CBFB: variants seen among roughly 807,000 people sequenced by gnomAD.
CBFB encodes CBF-beta.
CBFB carries 9 observed loss-of-function variants against 30.4 expected under a neutral mutation model. The ratio of observed to expected loss-of-function variants is 0.30; its 90% CI spans 0.18 to 0.52. The LOEUF is 0.52. Ranked by LOEUF, CBFB falls within the 20% of genes least tolerant of loss-of-function variation. CBFB has a pLI of 0.97. For missense variants in CBFB, 170 were observed against 244.0 expected, an observed-to-expected ratio of 0.70 and a Z score of 2.02; for synonymous variants, 94 against 84.0, an observed-to-expected ratio of 1.12 and a Z score of -0.65.
chr16:67,030,788 C>T (rs905611598), intron 2 of CBFB, among the ~76,000 whole-genome samples: 4 of 152,088 alleles, frequency 2.6e-5, no homozygotes, highest in East Asian at 1.9e-4. Flanking sequence ...TTAGTAGAGA[C>T]GGGGTTTCAC....
At chr16:67,077,674 C>G (rs1209231204) in intron 4 of CBFB, among the ~76,000 whole-genome samples, 3 of 152,028 alleles carry the variant, frequency 2.0e-5, no homozygotes, top group African/African-American at 7.2e-5. Context: ...AAAATTGATT[C>G]TTAATTTTTT....
chr16:67,065,631 G>A (rs370738258), intron 3 of CBFB, among the ~76,000 whole-genome samples: 1 of 152,066 alleles, frequency 6.6e-6, no homozygotes, highest in Non-Finnish European at 1.5e-5. Flanking sequence ...TCACACCTTG[G>A]CCTCCCAAAG....
chr16:67,094,813 T>C (rs1961993632), intron 5 of CBFB, among the ~76,000 whole-genome samples: 2 of 152,236 alleles, frequency 1.3e-5, no homozygotes, highest in African/African-American at 4.8e-5. Flanking sequence ...CTCTTTGAAT[T>C]TGTGACTGTG....
chr16:67,099,867 T>TAA lies in CBFB; in HGVS notation c.*1093_*1094dup, dbSNP rs1962166239. On this transcript the variant is annotated 3_prime_UTR_variant, in exon 6 of 6. Coordinates refer to ENST00000412916, the MANE Select transcript of CBFB (RefSeq NM_022845.3). ...GTGTATTTTATATTGCATGCTTTTG[T>TAA]AAAAACATGCTGGGTGATGAAAGAT... The TAA allele has an allele frequency of 4.7e-6, 1 of 212,788 alleles. No individual in the cohort carries two copies. The allele number at this position is 212,788 out of a possible 1,614,324, so 13.2% of individuals were successfully genotyped here.
At chr16:67,053,844 C>CT (rs111876987) in intron 3 of CBFB, among the ~76,000 whole-genome samples, 8,626 of 142,470 alleles carry the variant, frequency 0.061, 715 homozygotes, top group African/African-American at 0.19. Flanking sequence ...TTCTTTTATC[C>CT]TTTTTTTTTT....
chr16:67,061,276 A>C (rs961113121), intron 3 of CBFB, among the ~76,000 whole-genome samples: 1 of 152,218 alleles, frequency 6.6e-6, no homozygotes, highest in Non-Finnish European at 1.5e-5. Context: ...ACTTTTGGAA[A>C]GATAAACTGT....
chr16:67,041,802 TCTCA>T (rs1966534892), intron 3 of CBFB, among the ~76,000 whole-genome samples: 1 of 141,324 alleles, frequency 7.1e-6, no homozygotes, highest in African/African-American at 2.8e-5. Flanking sequence ...AGAGAGAGGG[TCTCA>T]CTCTGTCACC....
chr16:67,047,265 CA>C (rs1349086161), intron 3 of CBFB, among the ~76,000 whole-genome samples: 1 of 152,152 alleles, frequency 6.6e-6, no homozygotes, highest in East Asian at 1.9e-4. Flanking sequence ...TCTTCAATGC[CA>C]TGTGTGGAAA....
intron 3 of CBFB, among the ~76,000 whole-genome samples, chr16:67,048,237 A>G (rs1393396928): frequency 6.6e-6 from 1 of 151,852 alleles, no homozygotes; most frequent in East Asian, 1.9e-4. Context: ...GCAAGGCTCC[A>G]TCTCCAAACA....
chr16:67,072,432 T>G (rs1426367083), intron 4 of CBFB, among the ~76,000 whole-genome samples: 1 of 152,110 alleles, frequency 6.6e-6, no homozygotes, highest in Admixed American at 6.5e-5. Context: ...TTCTGAAGAA[T>G]ATATAGATTT....
At chr16:67,044,816 A>G (rs1334068239) in intron 3 of CBFB, among the ~76,000 whole-genome samples, 2 of 152,236 alleles carry the variant, frequency 1.3e-5, no homozygotes, top group Non-Finnish European at 2.9e-5. Context: ...TTTAAGCTCA[A>G]GAAGTTCCTT....
chr16:67,055,154 A>G (rs1960677118), intron 3 of CBFB, among the ~76,000 whole-genome samples: 2 of 152,066 alleles, frequency 1.3e-5, no homozygotes, highest in African/African-American at 4.8e-5. Context: ...TCATGTAAGA[A>G]AAGAAAAATA....
At chr16:67,041,654 G>T (rs369670731) in intron 3 of CBFB, among the ~76,000 whole-genome samples, 11 of 152,136 alleles carry the variant, frequency 7.2e-5, no homozygotes, top group African/African-American at 2.4e-4. Flanking sequence ...GGGACTATGG[G>T]GTTACTGTCA....
intron 4 of CBFB, among the ~76,000 whole-genome samples, chr16:67,079,067 A>G (rs1292913127): frequency 6.6e-6 from 1 of 152,184 alleles, no homozygotes; most frequent in Admixed American, 6.5e-5. Flanking sequence ...TCTGGCTTAT[A>G]TTATGTCCTG....
chr16:67,075,930 T>C (rs1318686432), intron 4 of CBFB, among the ~76,000 whole-genome samples: 2 of 151,842 alleles, frequency 1.3e-5, no homozygotes, highest in African/African-American at 4.8e-5. Flanking sequence ...ATTTAAAAAT[T>C]TCAAAAATTT....
intron 2 of CBFB, among the ~76,000 whole-genome samples, chr16:67,033,219 C>T (rs1966382707): frequency 6.6e-6 from 1 of 152,204 alleles, no homozygotes. Flanking sequence ...CTGTGTTGAT[C>T]ATCTCTCTTT....
chr16:67,082,283 A>G lies in CBFB; in HGVS notation c.470A>G (p.Asp157Gly), dbSNP rs1356898373. 2.5e-6 allele frequency: 4 copies of G among 1,612,232 alleles called. No individual in the cohort carries two copies. Among genetic ancestry groups the G allele is most frequent in the African/African-American group, 1.3e-5 (1 of 74,876 alleles). Residue 157 changes from aspartate to glycine, a missense_variant, in exon 5 of 6, where the codon GAC (aspartate) becomes GGC (glycine). Asp to Gly is a moderately conservative substitution (Grantham distance 94, BLOSUM62 -1). Coordinates refer to ENST00000412916, the MANE Select transcript of CBFB (RefSeq NM_022845.3). Reference sequence around the variant, plus strand: ...AGGACACGCGAATTTGAAGATAGAGACAGGTCTCATCGGGAGGAAATGGAG... The same window carrying G: ...AGGACACGCGAATTTGAAGATAGAGGCAGGTCTCATCGGGAGGAAATGGAG... ...RRRTREFEDR[D>G]RSHREEMEAR...
intron 3 of CBFB, among the ~76,000 whole-genome samples, chr16:67,042,211 A>G (rs1410093856): frequency 6.6e-6 from 1 of 152,160 alleles, no homozygotes; most frequent in African/African-American, 2.4e-5. Flanking sequence ...GGCATGAGCC[A>G]CCACGCCCAG....
intron 1 of CBFB, 101 bp downstream of exon 1, chr16:67,029,586 T>TG (rs1194204952): frequency 7.4e-7 from 1 of 1,352,712 alleles, no homozygotes; most frequent in East Asian, 2.9e-5. Context: ...TCCCGGTCGG[T>TG]GCGCCCGCGG....
Sources: gnomAD v4.1 joint callset for allele counts (sites outside exome capture counted in the v4.1 genomes callset) on GRCh38, gnomAD v4.1.1 for gene constraint, MANE v1.5 for transcripts, NCBI Gene and HGNC (gene_info 2026-07-23, HGNC 2026-07-21) for gene names.